The following COL21A1 variants were observed in gnomAD, a reference collection of about 807,000 sequenced individuals.
The protein encoded by COL21A1 is collagen alpha-1(XXI) chain.
A neutral mutation model predicts 137.9 loss-of-function variants in COL21A1; 149 were observed. The ratio of observed to expected loss-of-function variants is 1.08; its 90% CI spans 0.95 to 1.24. COL21A1 has a LOEUF of 1.24. COL21A1 is among the 50% of genes most tolerant of loss of function. The probability of loss-of-function intolerance (pLI) is 0.00; values close to 1 mark genes in which losing one functional copy is unlikely to be tolerated. For synonymous variants in COL21A1, 456 were observed against 391.5 expected (o/e 1.16, Z -1.95); for missense variants, 1,167 against 1,158.4 (o/e 1.01, Z -0.11).
At chr6:56,101,554 A>G in intron 16 of COL21A1, 29 bp from the exon 17 acceptor site, 2 of 1,542,796 alleles carry the variant, frequency 1.3e-6, no homozygotes, top group Non-Finnish European at 1.8e-6. Flanking sequence ...AAAGAAATAG[A>G]GAATTCAGTT....
chr6:56,303,807 A>T (rs940061640), intron 1 of COL21A1, among the ~76,000 whole-genome samples: 1 of 152,158 alleles, frequency 6.6e-6, no homozygotes, highest in East Asian at 1.9e-4. Flanking sequence ...CCTGTCTTGT[A>T]CCAGTTTTCA....
In COL21A1 at chr6:56,124,117, TA is replaced by T; in HGVS notation, c.1705-3del. 6.5e-7 allele frequency: 1 copy of T among 1,540,976 alleles called. No individual in the cohort carries two copies. On this transcript the variant is annotated splice_region_variant and splice_polypyrimidine_tract_variant and intron_variant, in intron 15 of 29. Coordinates refer to ENST00000244728, the MANE Select transcript of COL21A1 (RefSeq NM_030820.4). The stretch of plus-strand genomic sequence containing the variant: ...CTTTCCATGTCTTCCTGGTTCTCCC[TA>T]AAAAATAAATACATATGCTTTAATA...
At chr6:56,288,563 A>T (rs931002251) in intron 1 of COL21A1, among the ~76,000 whole-genome samples, 9 of 152,172 alleles carry the variant, frequency 5.9e-5, no homozygotes, top group African/African-American at 2.2e-4. Flanking sequence ...CTTACCTCCT[A>T]AGGGCCAGCC....
At chr6:56,080,886 A>T (rs1031772735) in intron 17 of COL21A1, among the ~76,000 whole-genome samples, 2 of 151,816 alleles carry the variant, frequency 1.3e-5, no homozygotes, top group African/African-American at 4.8e-5. Context: ...TTCCAATCTG[A>T]TTATCAGTAA....
chr6:56,349,529 A>G (rs1485590953), intron 1 of COL21A1, among the ~76,000 whole-genome samples: 2 of 152,224 alleles, frequency 1.3e-5, no homozygotes, highest in East Asian at 1.9e-4. Flanking sequence ...GGCAATAGGT[A>G]TATCTCTACA....
At chr6:56,164,385 T>G in intron 9 of COL21A1, 38 bp downstream of exon 9, 1 of 1,293,300 alleles carries the variant, frequency 7.7e-7, no homozygotes, top group South Asian at 1.3e-5. Flanking sequence ...CTCTTGTTTG[T>G]GTGTTTTAAC....
chr6:56,086,775 A>T (rs1367446456), intron 17 of COL21A1, among the ~76,000 whole-genome samples: 1 of 152,212 alleles, frequency 6.6e-6, no homozygotes, highest in Non-Finnish European at 1.5e-5. Context: ...ATAAGGCAGC[A>T]ATCCTTCTTC....
chr6:56,293,144 G>T (rs181456222), intron 1 of COL21A1, among the ~76,000 whole-genome samples: 1 of 152,210 alleles, frequency 6.6e-6, no homozygotes, highest in East Asian at 1.9e-4. Flanking sequence ...GTATATTTGT[G>T]CATGTTCAGT....
intron 1 of COL21A1, among the ~76,000 whole-genome samples, chr6:56,328,910 TAGC>T (rs952166085): frequency 6.6e-6 from 1 of 152,050 alleles, no homozygotes; most frequent in African/African-American, 2.4e-5. Flanking sequence ...AATACTCCAG[TAGC>T]AGCAAGGCTC....
chr6:56,075,427 A>C (rs1767137486), intron 19 of COL21A1, 52 bp downstream of exon 19: 1 of 1,385,130 alleles, frequency 7.2e-7, no homozygotes, highest in South Asian at 1.4e-5. Context: ...CCTAGTAGGT[A>C]GTAGCAACAC....
At chr6:56,285,102 T>C (rs527646603) in intron 1 of COL21A1, among the ~76,000 whole-genome samples, 48 of 152,316 alleles carry the variant, frequency 3.2e-4, no homozygotes, top group African/African-American at 1.1e-3. Flanking sequence ...GAAAACAGAA[T>C]CAATCAATAG....
chr6:56,143,931 G>A (rs1186730836), intron 10 of COL21A1, among the ~76,000 whole-genome samples: 2 of 152,136 alleles, frequency 1.3e-5, no homozygotes, highest in African/African-American at 4.8e-5. Context: ...ATCATGTTAT[G>A]TTTGTGCACC....
chr6:56,205,693 C>G (rs530975979), intron 1 of COL21A1, among the ~76,000 whole-genome samples: 80 of 152,220 alleles, frequency 5.3e-4, no homozygotes, highest in Non-Finnish European at 9.4e-4. Flanking sequence ...TCACATTCAC[C>G]AAGGTTGAAA....
chr6:56,261,714 C>T (rs1484937394), intron 1 of COL21A1, among the ~76,000 whole-genome samples: 1 of 152,164 alleles, frequency 6.6e-6, no homozygotes. Flanking sequence ...TCAGGTAATA[C>T]TGCAATAACA....
At chr6:56,143,487 A>C (rs1481879697) in intron 10 of COL21A1, among the ~76,000 whole-genome samples, 2 of 152,156 alleles carry the variant, frequency 1.3e-5, no homozygotes, top group African/African-American at 2.4e-5. Flanking sequence ...GGCGTGAGCC[A>C]CTGCACCCGG....
intron 1 of COL21A1, among the ~76,000 whole-genome samples, chr6:56,380,152 A>T (rs963576834): frequency 6.6e-6 from 1 of 152,086 alleles, no homozygotes; most frequent in Non-Finnish European, 1.5e-5. Context: ...GGTTGTTTAC[A>T]AGACCCTAGC....
chr6:56,242,417 T>C (rs1782384413), intron 1 of COL21A1, among the ~76,000 whole-genome samples: 1 of 152,188 alleles, frequency 6.6e-6, no homozygotes. Context: ...AAAAAATCTC[T>C]TTTCTTGGTC....
chr6:56,146,026 G>A (rs12214594), intron 10 of COL21A1, among the ~76,000 whole-genome samples: 22,296 of 151,944 alleles, frequency 0.15, 1,674 homozygotes, highest in Middle Eastern at 0.22. Flanking sequence ...ATGTGCAAGG[G>A]TCACCAACTA....
chr6:56,351,010 T>C (rs920030248), intron 1 of COL21A1, among the ~76,000 whole-genome samples: 1 of 152,274 alleles, frequency 6.6e-6, no homozygotes, highest in African/African-American at 2.4e-5. Context: ...TCTGTCTCTC[T>C]AACATTTAGC....
Sources: allele counts gnomAD v4.1 joint callset (sites outside exome capture counted in the v4.1 genomes callset), GRCh38; gene constraint gnomAD v4.1.1; transcripts MANE v1.5; gene names NCBI Gene and HGNC (gene_info 2026-07-23, HGNC 2026-07-21).